Variants in CCNY observed in about 807,000 individuals in gnomAD.
CCNY encodes the protein cyclin-Y.
Under a neutral mutation model 42.8 loss-of-function variants are expected in CCNY, and 19 were observed. The ratio of observed to expected loss-of-function variants is 0.44; its 90% CI spans 0.31 to 0.65. The LOEUF is 0.65. CCNY is among the 30% of genes least tolerant of loss of function. CCNY has a pLI of 0.07. For missense variants in CCNY, 370 were observed against 437.3 expected (o/e 0.85, Z 1.37); for synonymous variants, 165 against 162.7 (o/e 1.01, Z -0.11).
chr10:35,407,927 C>T (rs1178081827), intron 1 of CCNY, among the ~76,000 whole-genome samples: 6 of 152,138 alleles, frequency 3.9e-5, no homozygotes, highest in South Asian at 2.1e-4. Context: ...GAGGCGTCCT[C>T]GCAATGATTA....
intron 1 of CCNY, among the ~76,000 whole-genome samples, chr10:35,430,730 G>A (rs1013547969): frequency 6.6e-6 from 1 of 152,174 alleles, no homozygotes; most frequent in Non-Finnish European, 1.5e-5. Flanking sequence ...CTTTGCTCAT[G>A]TGTATCACTA....
intron 1 of CCNY, among the ~76,000 whole-genome samples, chr10:35,400,607 C>T (rs550613395): frequency 1.5e-4 from 23 of 152,322 alleles, no homozygotes; most frequent in African/African-American, 5.1e-4. Flanking sequence ...TTATCAGTAG[C>T]TGTTTCCAGA....
At chr10:35,475,555 G>C (rs1465014949) in intron 1 of CCNY, among the ~76,000 whole-genome samples, 2 of 151,062 alleles carry the variant, frequency 1.3e-5, no homozygotes, top group East Asian at 1.9e-4. Flanking sequence ...ATAAGTGAAG[G>C]AGAAATAAAA....
intron 3 of CCNY, among the ~76,000 whole-genome samples, chr10:35,290,531 T>A (rs1038278673): frequency 6.6e-6 from 1 of 152,254 alleles, no homozygotes; most frequent in Non-Finnish European, 1.5e-5. Context: ...TATTTTTTAT[T>A]GTTTTTTATA....
chr10:35,377,555 C>G (rs1301279019), intron 1 of CCNY, among the ~76,000 whole-genome samples: 1 of 152,092 alleles, frequency 6.6e-6, no homozygotes, highest in African/African-American at 2.4e-5. Context: ...ACAAAATTAC[C>G]TAACAATACA....
At chr10:35,498,674 T>C (rs1186333922) in intron 2 of CCNY, among the ~76,000 whole-genome samples, 1 of 152,048 alleles carries the variant, frequency 6.6e-6, no homozygotes, top group Middle Eastern at 3.2e-3. Context: ...CCCATCTGGG[T>C]AGGGACAGGT....
chr10:35,412,465 G>A (rs1172723805), intron 1 of CCNY, among the ~76,000 whole-genome samples: 2 of 152,082 alleles, frequency 1.3e-5, no homozygotes, highest in Non-Finnish European at 2.9e-5. Flanking sequence ...AGAGGCTGCA[G>A]AGAAGAGGGT....
rs1338148299 is a variant in CCNY at position 35,331,112 on chromosome 10, G to C, written c.-9+80486G>C. ...GGAAGCGTCCACTCACATCTTATTG[G>C]CCAGACTTAGTCCTGTGGCCAGCTG... On this transcript the variant is annotated intron_variant, in intron 3 of 11. Transcript: ENST00000374706. 4.6e-5 allele frequency among the ~76,000 whole-genome samples: 7 copies of C among 152,180 alleles called. No homozygotes were observed. The South Asian group carries it at 1.0e-3, about 22-fold the overall frequency.
At chr10:35,503,401 T>G (rs1291783119) in intron 3 of CCNY, among the ~76,000 whole-genome samples, 1 of 152,172 alleles carries the variant, frequency 6.6e-6, no homozygotes, top group Non-Finnish European at 1.5e-5. Flanking sequence ...AGCGTGACCC[T>G]CTAAACTGTG....
chr10:35,438,296 A>G (rs895169483), intron 1 of CCNY, among the ~76,000 whole-genome samples: 2 of 151,366 alleles, frequency 1.3e-5, no homozygotes, highest in Non-Finnish European at 2.9e-5. Context: ...TTATAGGTGC[A>G]CACCACCATG....
intron 1 of CCNY, among the ~76,000 whole-genome samples, chr10:35,478,423 A>G (rs1476030939): frequency 1.3e-5 from 2 of 151,122 alleles, no homozygotes; most frequent in Admixed American, 6.6e-5. Flanking sequence ...ACAGCATGGT[A>G]CTGGTACCAA....
chr10:35,332,895 C>T (rs143317130), upstream of CCNY, among the ~76,000 whole-genome samples: 26 of 152,334 alleles, frequency 1.7e-4, no homozygotes, highest in East Asian at 1.9e-4. Context: ...TGAACCACCG[C>T]GCCCGGCCCA....
chr10:35,322,204 AT>A (rs1835829481), intron 3 of CCNY, among the ~76,000 whole-genome samples: 1 of 152,124 alleles, frequency 6.6e-6, no homozygotes. Context: ...AAATACAAAA[AT>A]TAGCTGGGCA....
At position 35,327,686 on chromosome 10, in the gene CCNY, TAC is replaced by T. The variant is rs1176115039; in HGVS notation, c.-9+77064_-9+77065del. 3 of 152,364 alleles carry T rather than the reference TAC, an allele frequency of 2.0e-5. No individual in the cohort carries two copies. In the East Asian group the frequency reaches 5.8e-4, roughly 29 times the overall value. 9.4% of individuals were successfully genotyped at this position (152,364 alleles called of 1,614,324 possible). On this transcript the variant is annotated intron_variant, in intron 3 of 11. Transcript: ENST00000374706. ...TTCCTCTCTTCTGTTGAGCACTGTA[TAC>T]ACAGAAGCTTCCCAAGGAAAAGCTA... is the stretch of plus-strand genomic sequence containing the variant.
At chr10:35,250,396 G>A (rs1309466744) in intron 2 of CCNY, 3 of 151,962 alleles carry the variant, frequency 2.0e-5, no homozygotes, top group Non-Finnish European at 2.9e-5. Context: ...GTGAAGGACA[G>A]AATGAAGCCA....
chr10:35,284,410 T>C (rs1285366342), intron 3 of CCNY, among the ~76,000 whole-genome samples: 2 of 152,202 alleles, frequency 1.3e-5, no homozygotes, highest in African/African-American at 4.8e-5. Context: ...TGAAGTTATG[T>C]GGATATAGTT....
chr10:35,263,814 G>A (rs969737532), intron 3 of CCNY, among the ~76,000 whole-genome samples: 8 of 152,174 alleles, frequency 5.3e-5, no homozygotes, highest in Non-Finnish European at 8.8e-5. Context: ...GCGCCCATTA[G>A]CTATTCTTCC....
chr10:35,404,426 G>A (rs1349093227), intron 1 of CCNY, among the ~76,000 whole-genome samples: 1 of 152,124 alleles, frequency 6.6e-6, no homozygotes, highest in African/African-American at 2.4e-5. Flanking sequence ...AAAGAGGAGT[G>A]GTGAAAGGAT....
chr10:35,372,736 G>GT (rs1357380633), intron 1 of CCNY, among the ~76,000 whole-genome samples: 1 of 152,180 alleles, frequency 6.6e-6, no homozygotes, highest in Non-Finnish European at 1.5e-5. Context: ...TTTCACTCTT[G>GT]TTGCCCAGGC....
Sources: gnomAD v4.1 joint callset for allele counts (sites outside exome capture counted in the v4.1 genomes callset) on GRCh38, gnomAD v4.1.1 for gene constraint, MANE v1.5 for transcripts, NCBI Gene and HGNC (gene_info 2026-07-23, HGNC 2026-07-21) for gene names.